Variants in PPP3CC observed in about 807,000 individuals in gnomAD.
PPP3CC encodes serine/threonine-protein phosphatase 2B catalytic subunit gamma isoform.
A neutral mutation model predicts 60.3 loss-of-function variants in PPP3CC; 35 were observed. The observed-to-expected ratio is 0.58, with a 90% CI of 0.44 to 0.77. PPP3CC has a LOEUF of 0.77. Among genes scored for constraint, PPP3CC ranks in the 30% least tolerant of loss-of-function variants. The probability of loss-of-function intolerance (pLI) is 0.00; values close to 1 mark genes in which losing one functional copy is unlikely to be tolerated. For synonymous variants in PPP3CC, 206 were observed against 224.3 expected, an observed-to-expected ratio of 0.92 and a Z score of 0.73; for missense variants, 570 against 628.9, an observed-to-expected ratio of 0.91 and a Z score of 1.00.
chr8:22,540,699 C>G lies in PPP3CC; in HGVS notation c.1436C>G (p.Pro479Arg). 1 of 1,614,098 alleles carries G rather than the reference C, an allele frequency of 6.2e-7. No individual in the cohort carries two copies. The highest frequency in any genetic ancestry group is 8.5e-7 in the Non-Finnish European group (1 of 1,180,006). The change falls in exon 14 of 14, where the codon CCC (proline) becomes CGC (arginine). Residue 479 changes from proline to arginine, a missense_variant. Coordinates refer to ENST00000240139, the MANE Select transcript of PPP3CC (RefSeq NM_005605.5). ...GACCGAATTAATGAGCGAATGCCAC[C>G]CCGAAAGGATAGCATACACGCTGGT... ...GLDRINERMP[P>R]RKDSIHAGGP... is the part of the protein sequence containing the mutation.
chr8:22,539,575 A>G, intron 13 of PPP3CC, 77 bp downstream of exon 13: 1 of 1,411,784 alleles, frequency 7.1e-7, no homozygotes, highest in Non-Finnish European at 9.8e-7. Flanking sequence ...AACATTTCAA[A>G]TATTTTATTA....
Position 22,441,508 on chromosome 8 carries a change from G to A in PPP3CC, c.49+50G>A, listed in dbSNP as rs777329886. Reference sequence around the variant, plus strand: ...CTGGGACCCGCGGGAAACGGCCTTCGGCTGGGCGGCGGCTCGGGGCGGAGG... The same window carrying A: ...CTGGGACCCGCGGGAAACGGCCTTCAGCTGGGCGGCGGCTCGGGGCGGAGG... On this transcript the variant is annotated intron_variant, in intron 1 of 13. Transcript: ENST00000240139. The A allele has an allele frequency of 3.3e-6, 5 of 1,497,044 alleles. 1 individual carries two copies. The South Asian group carries it at 5.1e-5, about 15-fold the overall frequency. The allele number at this position is 1,497,044 out of a possible 1,614,324, so 92.7% of individuals were successfully genotyped here. A position where few individuals can be genotyped will look rare whatever the true frequency, so the allele number is the denominator to read the frequency against.
intron 5 of PPP3CC, among the ~76,000 whole-genome samples, chr8:22,512,108 T>C (rs1839104570): frequency 6.6e-6 from 1 of 152,222 alleles, no homozygotes; most frequent in African/African-American, 2.4e-5. Context: ...TTTGAATTCT[T>C]CTACCTGTCT....
intron 6 of PPP3CC, among the ~76,000 whole-genome samples, chr8:22,514,371 A>AT (rs1334564216): frequency 6.6e-6 from 1 of 151,986 alleles, no homozygotes; most frequent in Non-Finnish European, 1.5e-5. Context: ...ATCTCTGTTA[A>AT]TTGGCTAAGA....
intron 4 of PPP3CC, among the ~76,000 whole-genome samples, chr8:22,500,748 CT>C (rs1356907998): frequency 2.6e-5 from 4 of 152,210 alleles, no homozygotes; most frequent in Non-Finnish European, 5.9e-5. Context: ...CAAAAGTCAG[CT>C]GCAAGAGGGC....
At chr8:22,451,330 T>G (rs1837018268) in intron 1 of PPP3CC, among the ~76,000 whole-genome samples, 2 of 151,064 alleles carry the variant, frequency 1.3e-5, no homozygotes, top group African/African-American at 4.9e-5. Context: ...GTGATGGGGT[T>G]TCACCATGTT....
intron 3 of PPP3CC, among the ~76,000 whole-genome samples, chr8:22,486,064 T>A (rs1347958678): frequency 1.4e-5 from 2 of 144,050 alleles, no homozygotes; most frequent in African/African-American, 5.6e-5. Context: ...CCCGCCCTCT[T>A]GACTCTGTTT....
intron 1 of PPP3CC, among the ~76,000 whole-genome samples, chr8:22,449,042 C>T (rs1436217240): frequency 1.3e-5 from 2 of 151,800 alleles, no homozygotes; most frequent in African/African-American, 2.4e-5. Flanking sequence ...GCCAGGAGTT[C>T]CAAGGCTTCA....
At chr8:22,504,323 A>G (rs1838848729) in intron 4 of PPP3CC, among the ~76,000 whole-genome samples, 1 of 152,050 alleles carries the variant, frequency 6.6e-6, no homozygotes, top group Admixed American at 6.6e-5. Context: ...TTTTTAAGAG[A>G]CAGGGTCTCA....
chr8:22,508,898 A>T (rs1415143062), intron 4 of PPP3CC, among the ~76,000 whole-genome samples: 1 of 152,244 alleles, frequency 6.6e-6, no homozygotes, highest in Non-Finnish European at 1.5e-5. Context: ...ATGTAACTGT[A>T]AGGAGAGGCA....
intron 1 of PPP3CC, among the ~76,000 whole-genome samples, chr8:22,457,026 TTCCTCCCTTCCTCCCTCCCTTCCTTC>T (rs1837218505): frequency 1.5e-5 from 1 of 66,824 alleles, no homozygotes; most frequent in African/African-American, 6.7e-5. Context: ...CCTTCCTCCC[TTCCTCCCTTCCTCCCTCCCTTCCTTC>T]CCCTCCCTCC....
At chr8:22,467,456 T>C (rs988732592) in intron 1 of PPP3CC, among the ~76,000 whole-genome samples, 18 of 152,166 alleles carry the variant, frequency 1.2e-4, no homozygotes, top group African/African-American at 4.1e-4. Flanking sequence ...TGTTTGTTTG[T>C]TTTGAGACAG....
intron 1 of PPP3CC, among the ~76,000 whole-genome samples, chr8:22,463,873 G>A (rs1180126396): frequency 2.7e-5 from 4 of 149,790 alleles, no homozygotes; most frequent in Admixed American, 1.3e-4. Context: ...TGCAACCTCC[G>A]CCTCCTGGAT....
chr8:22,509,881 A>G (rs531665377), intron 4 of PPP3CC, among the ~76,000 whole-genome samples: 87 of 151,820 alleles, frequency 5.7e-4, no homozygotes, highest in African/African-American at 2.1e-3. Context: ...TTGTTTTTCA[A>G]TTTTCTGTAA....
intron 1 of PPP3CC, among the ~76,000 whole-genome samples, chr8:22,448,957 G>A (rs1836921624): frequency 6.6e-6 from 1 of 152,064 alleles, no homozygotes; most frequent in South Asian, 2.1e-4. Context: ...ATGTAAAGTT[G>A]GGGACAGCCA....
chr8:22,523,548 C>T (rs1400989414), intron 8 of PPP3CC: 1 of 346,442 alleles, frequency 2.9e-6, no homozygotes, highest in East Asian at 9.6e-5. Flanking sequence ...ATTGTCCCTT[C>T]AAAGTAGTTA....
chr8:22,499,483 A>G (rs928612566), intron 4 of PPP3CC, among the ~76,000 whole-genome samples: 1 of 152,124 alleles, frequency 6.6e-6, no homozygotes, highest in Non-Finnish European at 1.5e-5. Context: ...TCAAAACATT[A>G]CTAGCTGATT....
At chr8:22,509,806 A>G (rs1480992564) in intron 4 of PPP3CC, among the ~76,000 whole-genome samples, 1 of 152,090 alleles carries the variant, frequency 6.6e-6, no homozygotes, top group Non-Finnish European at 1.5e-5. Context: ...GGCTCAATCT[A>G]TCCTCCCACC....
chr8:22,450,303 T>G (rs926768307), intron 1 of PPP3CC, among the ~76,000 whole-genome samples: 4 of 152,202 alleles, frequency 2.6e-5, no homozygotes, highest in African/African-American at 9.6e-5. Flanking sequence ...TTGAAGAGAT[T>G]GAAGTGAAAA....
Sources: allele counts gnomAD v4.1 joint callset (sites outside exome capture counted in the v4.1 genomes callset), GRCh38; gene constraint gnomAD v4.1.1; transcripts MANE v1.5; gene names NCBI Gene and HGNC (gene_info 2026-07-23, HGNC 2026-07-21).